Variants in GIN1 observed in about 807,000 individuals in gnomAD.
GIN1 encodes the protein gypsy retrotransposon integrase 1, also known as gypsy retrotransposon integrase-like protein 1.
In GIN1, 41 loss-of-function variants were observed where a neutral mutation model predicts 51.4. That is an observed-to-expected ratio of 0.80 (90% CI 0.62 to 1.04). The LOEUF (loss-of-function observed/expected upper bound fraction) is 1.04. Among genes scored for constraint, GIN1 ranks in the 50% least tolerant of loss-of-function variants. The pLI, the probability that GIN1 is intolerant of heterozygous loss-of-function variation, is 0.00. For synonymous variants in GIN1, 222 were observed against 206.5 expected (o/e 1.07, Z -0.64); for missense variants, 610 against 612.4 (o/e 1.00, Z 0.04).
At chr5:103,088,642 C>G (rs1374696918) in intron 7 of GIN1, among the ~76,000 whole-genome samples, 1 of 151,978 alleles carries the variant, frequency 6.6e-6, no homozygotes, top group Non-Finnish European at 1.5e-5. Context: ...AAAATACAAA[C>G]AATTAGCAAG....
chr5:103,099,575 GCTTTAACTT>G (rs1554195545), intron 4 of GIN1, among the ~76,000 whole-genome samples: 1 of 152,036 alleles, frequency 6.6e-6, no homozygotes, highest in African/African-American at 2.4e-5. Flanking sequence ...CTTGAAAAAG[GCTTTAACTT>G]CTTTGTTTCA....
At chr5:103,105,394 C>A (rs1410528348) in intron 3 of GIN1, among the ~76,000 whole-genome samples, 1 of 152,092 alleles carries the variant, frequency 6.6e-6, no homozygotes, top group South Asian at 2.1e-4. Flanking sequence ...TTAAAAAGAT[C>A]TTAAGTTTCC....
intron 7 of GIN1, 30 bp downstream of exon 7, chr5:103,096,511 T>A: frequency 6.7e-7 from 1 of 1,501,564 alleles, no homozygotes; most frequent in South Asian, 1.2e-5. Flanking sequence ...CCTAAAGCAA[T>A]AAAAATGTAG....
At chr5:103,097,557 C>T (rs1406400025) in intron 5 of GIN1, 33 bp downstream of exon 5, 15 of 1,514,294 alleles carry the variant, frequency 9.9e-6, no homozygotes, top group Non-Finnish European at 1.4e-5. Context: ...ATAGTCATAA[C>T]TCAGAAGTAC....
chr5:103,095,160 C>A (rs782464636), intron 7 of GIN1, among the ~76,000 whole-genome samples: 13 of 152,148 alleles, frequency 8.5e-5, no homozygotes, highest in South Asian at 2.1e-4. Context: ...ATATATTTTC[C>A]ATTAAATGTT....
chr5:103,109,316 G>C (rs1262288485), intron 1 of GIN1, among the ~76,000 whole-genome samples: 1 of 151,824 alleles, frequency 6.6e-6, no homozygotes, highest in African/African-American at 2.4e-5. Context: ...TTTCCTGCTA[G>C]GATTCTGACA....
At position 103,088,039 on chromosome 5, in the gene GIN1, T is replaced by C; in HGVS notation, c.1428A>G (p.Leu476=). Reference sequence around the variant, plus strand: ...GTTCACGATCCTTGCTTGATGTCAGTAATTCATTATCGACTATACCAATAG... The same window carrying C: ...GTTCACGATCCTTGCTTGATGTCAGCAATTCATTATCGACTATACCAATAG... ...DATIGIVDNE[L]LTSSKDRELL... Residue 476 remains leucine (L), a synonymous_variant, in exon 8 of 8, where the codon TTA becomes TTG. Transcript: ENST00000399004. 1 of 1,610,456 alleles carries C rather than the reference T, an allele frequency of 6.2e-7. No individual in the cohort carries two copies. Among genetic ancestry groups the C allele is most frequent in the Non-Finnish European group, 8.5e-7 (1 of 1,176,920 alleles).
chr5:103,104,438 T>G (rs1255490897), intron 4 of GIN1, 103 bp downstream of exon 4: 1 of 617,790 alleles, frequency 1.6e-6, no homozygotes, highest in South Asian at 2.0e-5. Context: ...GAAATTTATC[T>G]GAACTTATTA....
rs1223744969 is a variant in GIN1 at position 103,096,471 on chromosome 5, G to A, written c.1294+70C>T. 3 of 1,119,988 alleles carry A rather than the reference G, an allele frequency of 2.7e-6. No homozygotes were observed. The African/African-American group carries it at 4.7e-5, about 18-fold the overall frequency. The allele number at this position is 1,119,988 out of a possible 1,614,324, so 69.4% of individuals were successfully genotyped here. Reference sequence around the variant, plus strand: ...AAAACCTAACAAAAGAGGGGAGAAAGGTTTCTGTTATTTTTAACTATTCTC... The same window carrying A: ...AAAACCTAACAAAAGAGGGGAGAAAAGTTTCTGTTATTTTTAACTATTCTC... On this transcript the variant is annotated intron_variant, in intron 7 of 7. Coordinates refer to ENST00000399004, the MANE Select transcript of GIN1 (RefSeq NM_017676.2).
intron 7 of GIN1, among the ~76,000 whole-genome samples, chr5:103,090,505 T>C (rs1344534155): frequency 1.3e-5 from 2 of 152,190 alleles, no homozygotes; most frequent in African/African-American, 4.8e-5. Flanking sequence ...AACATGTTGC[T>C]GATGAAATTT....
At chr5:103,119,600 C>A (rs1204510262) in intron 1 of GIN1, among the ~76,000 whole-genome samples, 1 of 152,174 alleles carries the variant, frequency 6.6e-6, no homozygotes, top group African/African-American at 2.4e-5. Flanking sequence ...CTCTTGACCT[C>A]ACGTTTCTCC....
intron 2 of GIN1, among the ~76,000 whole-genome samples, chr5:103,107,834 C>T (rs1554196506): frequency 1.3e-5 from 2 of 152,026 alleles, no homozygotes; most frequent in African/African-American, 4.8e-5. Flanking sequence ...GGGATATACA[C>T]AGGGAGATGC....
chr5:103,113,991 T>C (rs1019622333), intron 1 of GIN1, among the ~76,000 whole-genome samples: 1 of 152,202 alleles, frequency 6.6e-6, no homozygotes, highest in Admixed American at 6.5e-5. Context: ...CTTTTTCTCT[T>C]GGCATTCTCA....
chr5:103,109,689 T>A (rs1554196711), intron 1 of GIN1, among the ~76,000 whole-genome samples: 1 of 152,122 alleles, frequency 6.6e-6, no homozygotes, highest in African/African-American at 2.4e-5. Context: ...TATAAGACAA[T>A]CAGTTTGTTC....
At position 103,097,632 on chromosome 5, in the gene GIN1, A is replaced by T. The variant is rs538975183; in HGVS notation, c.789T>A (p.Asp263Glu). The change falls in exon 5 of 8, where the codon GAT becomes GAA. Residue 263 changes from aspartate to glutamate, a missense_variant. Transcript: ENST00000399004. ...AGGCAAATGAAACAGCTGATAGGTG[A>T]TCATCCCAATTGTTTGGGTGGTCAG... ...HCADHPNNWD[D>E]HLSAVSFAFN... 1 of 1,612,240 alleles carries T rather than the reference A, an allele frequency of 6.2e-7. No homozygotes were observed. The highest frequency in any genetic ancestry group is 1.3e-5 in the African/African-American group (1 of 75,012).
rs1554195225 is a variant in GIN1, at chr5:103,097,434, A to G, written c.888T>C (p.Pro296=). ...CTTCATGAAGACTATCTGAAGTCTC[A>G]GGCATATAAGGATTTCGACTAAACA... ...FQMFSRNPYM[P]ETSDSLHEVD... Residue 296 remains proline (P), a synonymous_variant, in exon 6 of 8, where the codon CCT becomes CCC. Coordinates refer to ENST00000399004, the MANE Select transcript of GIN1 (RefSeq NM_017676.2). The G allele has an allele frequency of 6.4e-7, 1 of 1,574,708 alleles. No individual in the cohort carries two copies. Among genetic ancestry groups the G allele is most frequent in the Admixed American group, 1.7e-5 (1 of 59,368 alleles).
At chr5:103,113,422 G>A (rs1226216210) in intron 1 of GIN1, among the ~76,000 whole-genome samples, 2 of 152,062 alleles carry the variant, frequency 1.3e-5, no homozygotes, top group Non-Finnish European at 2.9e-5. Context: ...CATGAGGGAA[G>A]GGGAAAGGGG....
chr5:103,096,655 C>G lies in GIN1; in HGVS notation c.1180G>C (p.Asp394His), dbSNP rs1219053890. 6.2e-7 allele frequency: 1 copy of G among 1,613,718 alleles called. No individual in the cohort carries two copies. Among genetic ancestry groups the G allele is most frequent in the African/African-American group, 1.3e-5 (1 of 74,914 alleles). ...QSEWVGPCVI[D>H]YITESGCAVL... ...GCACATCCACTTTCTGTAATATAGTCTATGACACAAGGACCAACCCATTCA... is the reference window on the plus strand; with the variant it reads ...GCACATCCACTTTCTGTAATATAGTGTATGACACAAGGACCAACCCATTCA... The change falls in exon 7 of 8, where the codon GAC (aspartate) becomes CAC (histidine). Residue 394 changes from aspartate (D) to histidine (H), a missense_variant. Coordinates refer to ENST00000399004, the MANE Select transcript of GIN1 (RefSeq NM_017676.2).
At chr5:103,097,181 C>G in intron 6 of GIN1, 133 bp downstream of exon 6, 1 of 635,400 alleles carries the variant, frequency 1.6e-6, no homozygotes. Flanking sequence ...CAAGAAAAAT[C>G]TGATAGATAA....
Sources: allele counts gnomAD v4.1 joint callset (sites outside exome capture counted in the v4.1 genomes callset), GRCh38; gene constraint gnomAD v4.1.1; transcripts MANE v1.5; gene names NCBI Gene and HGNC (gene_info 2026-07-23, HGNC 2026-07-21).